Variants in PTH2R observed in about 807,000 individuals in gnomAD.
PTH2R encodes the protein parathyroid hormone 2 receptor.
PTH2R carries 59 observed loss-of-function variants against 60.3 expected under a neutral mutation model. The observed-to-expected ratio is 0.98, with a 90% CI of 0.79 to 1.22. PTH2R has a LOEUF of 1.22. Among genes scored for constraint, PTH2R ranks in the 50% most tolerant of loss-of-function variants. The probability of loss-of-function intolerance (pLI) is 0.00; values close to 1 mark genes in which losing one functional copy is unlikely to be tolerated. For missense variants in PTH2R, 749 were observed against 682.6 expected, an observed-to-expected ratio of 1.10 and a Z score of -1.08; for synonymous variants, 256 against 243.8, an observed-to-expected ratio of 1.05 and a Z score of -0.47.
At chr2:208,450,639 A>C (rs1051110828) in intron 7 of PTH2R, 110 bp from the exon 8 acceptor site, 2 of 1,086,760 alleles carry the variant, frequency 1.8e-6, no homozygotes, top group Non-Finnish European at 2.7e-6. Flanking sequence ...TTTCATGTCT[A>C]TTTTTATCTC....
intron 1 of PTH2R, among the ~76,000 whole-genome samples, chr2:208,414,551 AT>A (rs963996299): frequency 2.3e-4 from 35 of 151,306 alleles, no homozygotes; most frequent in African/African-American, 7.3e-4. Context: ...AGGATAGTGA[AT>A]TTTTTTTCAG....
Position 208,481,141 on chromosome 2 carries a change from G to C in PTH2R, c.1053G>C (p.Gly351=). ...ATKIWETNAV[G]HDTRKQYRKL... is the part of the protein sequence containing the mutation. ...AAATCTGGGAGACCAATGCAGTTGG[G>C]CATGACACAAGGAAGCAATACAGGT... is the stretch of plus-strand genomic sequence containing the variant. The change falls in exon 10 of 13, where the codon GGG becomes GGC. Residue 351 remains glycine (G), a synonymous_variant. Transcript: ENST00000272847. The C allele has an allele frequency of 6.2e-7, 1 of 1,609,728 alleles. No individual in the cohort carries two copies. The highest frequency in any genetic ancestry group is 8.5e-7 in the Non-Finnish European group (1 of 1,176,348).
In PTH2R at chr2:208,454,999, C is replaced by T. The variant is rs190050479; in HGVS notation, c.914+4190C>T. 5.4e-4 allele frequency among the ~76,000 whole-genome samples: 83 copies of T among 152,296 alleles called. 2 individuals are homozygous for T. In the Middle Eastern group the frequency reaches 0.01, roughly 19 times the overall value. ...CATTGTCTTTAGGTGCAGCCTTCCT[C>T]CTACTTGCTTCAAAGCTCCCCATTC... On this transcript the variant is annotated intron_variant, in intron 8 of 12. Coordinates refer to ENST00000272847, the MANE Select transcript of PTH2R (RefSeq NM_005048.4).
intron 1 of PTH2R, among the ~76,000 whole-genome samples, chr2:208,390,080 C>A (rs1438997372): frequency 6.6e-6 from 1 of 152,222 alleles, no homozygotes. Flanking sequence ...CCCACTAGAG[C>A]TTCTGATCCT....
At chr2:208,470,384 G>A (rs1471776497) in intron 9 of PTH2R, among the ~76,000 whole-genome samples, 2 of 152,156 alleles carry the variant, frequency 1.3e-5, no homozygotes, top group African/African-American at 4.8e-5. Context: ...GATATGGTTT[G>A]GCTGTGTCCC....
chr2:208,455,496 A>G (rs762698404), intron 8 of PTH2R, among the ~76,000 whole-genome samples: 19 of 152,234 alleles, frequency 1.2e-4, no homozygotes, highest in Non-Finnish European at 2.4e-4. Flanking sequence ...CTAACTTATC[A>G]GAATAAAATC....
chr2:208,385,028 C>A (rs1448978350), intron 1 of PTH2R, among the ~76,000 whole-genome samples: 1 of 152,078 alleles, frequency 6.6e-6, no homozygotes, highest in Non-Finnish European at 1.5e-5. Context: ...TTTTTTCTAC[C>A]ACTCCCTTCT....
intron 1 of PTH2R, among the ~76,000 whole-genome samples, chr2:208,410,205 C>T (rs987317634): frequency 1.3e-5 from 2 of 152,124 alleles, no homozygotes; most frequent in African/African-American, 2.4e-5. Flanking sequence ...TGCCAAGTAC[C>T]AAATACTGTG....
chr2:208,384,446 C>T (rs184896737), intron 1 of PTH2R, among the ~76,000 whole-genome samples: 1 of 152,280 alleles, frequency 6.6e-6, no homozygotes, highest in East Asian at 1.9e-4. Context: ...GAAAGGTGTT[C>T]TCAGCCTGAT....
At chr2:208,372,292 T>G (rs995857005) in intron 1 of PTH2R, among the ~76,000 whole-genome samples, 1 of 152,138 alleles carries the variant, frequency 6.6e-6, no homozygotes, top group Non-Finnish European at 1.5e-5. Flanking sequence ...TAAGAGATTG[T>G]CATTTGAAAG....
chr2:208,391,719 G>A (rs1701111406), intron 1 of PTH2R, among the ~76,000 whole-genome samples: 1 of 152,100 alleles, frequency 6.6e-6, no homozygotes, highest in Non-Finnish European at 1.5e-5. Flanking sequence ...GTTTTGGGGA[G>A]GGAGAAGGTG....
At chr2:208,383,995 A>G (rs1420925747) in intron 1 of PTH2R, among the ~76,000 whole-genome samples, 2 of 152,226 alleles carry the variant, frequency 1.3e-5, no homozygotes, top group African/African-American at 2.4e-5. Flanking sequence ...TTCTCTAGTT[A>G]TGACCCTTTG....
At chr2:208,430,858 C>T (rs1270109918) in intron 2 of PTH2R, among the ~76,000 whole-genome samples, 2 of 152,138 alleles carry the variant, frequency 1.3e-5, no homozygotes, top group East Asian at 3.9e-4. Flanking sequence ...AGCCAGCATG[C>T]CCGGCCTCTG....
intron 1 of PTH2R, among the ~76,000 whole-genome samples, chr2:208,396,332 G>A (rs1187972530): frequency 6.6e-6 from 1 of 152,120 alleles, no homozygotes; most frequent in Non-Finnish European, 1.5e-5. Flanking sequence ...AAACTAAAGA[G>A]CTTCTGCACA....
chr2:208,387,287 G>T (rs769550844), intron 1 of PTH2R, among the ~76,000 whole-genome samples: 1 of 152,092 alleles, frequency 6.6e-6, no homozygotes, highest in Non-Finnish European at 1.5e-5. Flanking sequence ...AGAGTCTAGG[G>T]TACCTTAGAT....
chr2:208,417,320 A>G (rs1196121557), intron 1 of PTH2R, among the ~76,000 whole-genome samples: 1 of 152,168 alleles, frequency 6.6e-6, no homozygotes, highest in Non-Finnish European at 1.5e-5. Flanking sequence ...AGGCATGTGT[A>G]TAAAGAAAGA....
chr2:208,427,629 C>T (rs1007671178), intron 1 of PTH2R, among the ~76,000 whole-genome samples: 2 of 152,140 alleles, frequency 1.3e-5, no homozygotes, highest in Admixed American at 1.3e-4. Flanking sequence ...CCCAGCTACG[C>T]ATCTCCCAAA....
At chr2:208,484,228 G>C (rs896761294) in intron 10 of PTH2R, among the ~76,000 whole-genome samples, 1 of 152,230 alleles carries the variant, frequency 6.6e-6, no homozygotes, top group Non-Finnish European at 1.5e-5. Context: ...CTCTCCAGGT[G>C]AATGTGTGCT....
In PTH2R at chr2:208,388,814, C is replaced by T. The variant is rs141289300; in HGVS notation, c.-259+28577C>T. Among the ~76,000 whole-genome samples, 4 of 152,272 alleles carry T rather than the reference C, an allele frequency of 2.6e-5. 1 individual carries two copies. In the East Asian group the frequency reaches 7.7e-4, roughly 29 times the overall value. On this transcript the variant is annotated intron_variant, in intron 1 of 12. Coordinates refer to the PTH2R transcript ENST00000617735. The stretch of plus-strand genomic sequence containing the variant: ...CCCATATCCTTGAACTTCTGCTTCT[C>T]CTGATGTTTGATTATAATTCTATCC...
Sources: gnomAD v4.1 joint callset for allele counts (sites outside exome capture counted in the v4.1 genomes callset) on GRCh38, gnomAD v4.1.1 for gene constraint, MANE v1.5 for transcripts, NCBI Gene and HGNC (gene_info 2026-07-23, HGNC 2026-07-21) for gene names.